ZNF341: variants seen among roughly 807,000 people sequenced by gnomAD.
ZNF341 encodes zinc finger protein 341.
Under a neutral mutation model 87.7 loss-of-function variants are expected in ZNF341, and 52 were observed. The observed-to-expected ratio is 0.59, with a 90% CI of 0.47 to 0.75. The LOEUF is 0.75. ZNF341 is among the 30% of genes least tolerant of loss of function. The pLI is 0.00. For synonymous variants in ZNF341, 459 were observed against 472.7 expected, an observed-to-expected ratio of 0.97 and a Z score of 0.38; for missense variants, 977 against 1,145.9, an observed-to-expected ratio of 0.85 and a Z score of 2.13.
chr20:33,752,804 A>G (rs187802525), intron 4 of ZNF341, among the ~76,000 whole-genome samples: 2 of 151,882 alleles, frequency 1.3e-5, no homozygotes, highest in Admixed American at 1.3e-4. Context: ...GGCGCCCGCC[A>G]CCACGCCCGG....
At position 33,781,155 on chromosome 20, in the gene ZNF341, A is replaced by G. The variant is rs991687019; in HGVS notation, c.1623-136A>G. The stretch of plus-strand genomic sequence containing the variant: ...GCTCAGATGAGGACAGGCAGTGGCA[A>G]TTGAGAAGAGTGGATGGATTTGGAA... On this transcript the variant is annotated intron_variant, in intron 10 of 14. Coordinates refer to ENST00000375200, the MANE Select transcript of ZNF341 (RefSeq NM_001282933.2). The G allele has an allele frequency of 8.0e-5, 57 of 713,124 alleles. 1 individual carries two copies. The highest frequency in any genetic ancestry group is 3.4e-4 in the Admixed American group (18 of 52,340). 44.2% of individuals were successfully genotyped at this position (713,124 alleles called of 1,614,324 possible). A position where few individuals can be genotyped will look rare whatever the true frequency, so the allele number is the denominator to read the frequency against.
chr20:33,789,064 A>T, intron 13 of ZNF341, 90 bp downstream of exon 13: 4 of 889,304 alleles, frequency 4.5e-6, no homozygotes, highest in Non-Finnish European at 6.7e-6. Context: ...GTCAGGCCTG[A>T]GGGCAGGCCT....
intron 3 of ZNF341, among the ~76,000 whole-genome samples, chr20:33,747,531 C>T (rs931980078): frequency 1.7e-5 from 2 of 120,732 alleles, no homozygotes; most frequent in South Asian, 2.8e-4. Context: ...AGGAGAATGG[C>T]GTGGACCCGG....
intron 9 of ZNF341, among the ~76,000 whole-genome samples, chr20:33,769,597 G>A (rs1290460265): frequency 6.6e-6 from 1 of 152,160 alleles, no homozygotes; most frequent in South Asian, 2.1e-4. Context: ...CTGGCTGAGA[G>A]GAGGGAACCC....
intron 8 of ZNF341, among the ~76,000 whole-genome samples, chr20:33,763,835 A>G (rs1196781121): frequency 6.6e-6 from 1 of 152,024 alleles, no homozygotes; most frequent in African/African-American, 2.4e-5. Context: ...CTGAGAACTT[A>G]CTAGGTTTAG....
intron 11 of ZNF341, 58 bp from the exon 12 acceptor site, chr20:33,783,674 G>C (rs1238215701): frequency 6.2e-7 from 1 of 1,611,528 alleles, no homozygotes; most frequent in African/African-American, 1.3e-5. Context: ...GAGTTCAGAA[G>C]ATGGCCAGGG....
At chr20:33,751,619 G>C (rs1210981119) in intron 4 of ZNF341, among the ~76,000 whole-genome samples, 1 of 152,082 alleles carries the variant, frequency 6.6e-6, no homozygotes, top group Non-Finnish European at 1.5e-5. Flanking sequence ...AGCTGCCCTG[G>C]CTGGAGTGCA....
At position 33,770,399 on chromosome 20, in the gene ZNF341, G is replaced by T. The variant is rs2019507102; in HGVS notation, c.1622+107G>T. On this transcript the variant is annotated intron_variant, in intron 10 of 14. Transcript: ENST00000375200. ...ACTGCTTAGGACCAGTGAGATATTT[G>T]AAAGGAGAAACCGAGGCTCCTGGCT... 7 of 1,158,122 alleles carry T rather than the reference G, an allele frequency of 6.0e-6. No homozygotes were observed. The South Asian group carries it at 1.1e-4, about 18-fold the overall frequency. 71.7% of individuals were successfully genotyped at this position (1,158,122 alleles called of 1,614,324 possible). A position where few individuals can be genotyped will look rare whatever the true frequency, so the allele number is the denominator to read the frequency against.
chr20:33,763,014 G>C (rs2019328497), intron 8 of ZNF341, among the ~76,000 whole-genome samples: 2 of 152,146 alleles, frequency 1.3e-5, no homozygotes. Flanking sequence ...TAGTAATACA[G>C]TCACATGCTA....
At chr20:33,757,572 G>A (rs371211377) in intron 6 of ZNF341, among the ~76,000 whole-genome samples, 4 of 152,184 alleles carry the variant, frequency 2.6e-5, no homozygotes, top group East Asian at 1.9e-4. Flanking sequence ...AGGCACCCTC[G>A]TTTCTTCTGT....
At chr20:33,764,559 ATATTTTTTTTTTT>A (rs1443021018) in intron 8 of ZNF341, among the ~76,000 whole-genome samples, 2 of 48,952 alleles carry the variant, frequency 4.1e-5, no homozygotes, top group African/African-American at 1.1e-4. Context: ...ATATATATAT[ATATTTTTTTTTTT>A]TTTTTTTTTT....
chr20:33,748,773 T>C, intron 3 of ZNF341, 150 bp from the exon 4 acceptor site: 1 of 706,190 alleles, frequency 1.4e-6, no homozygotes, highest in Non-Finnish European at 2.3e-6. Context: ...GGAATCCACG[T>C]CTGTGGGATT....
In ZNF341 at chr20:33,777,858, C is replaced by A. The variant is rs1015363483; in HGVS notation, c.1623-3433C>A. 3.3e-5 allele frequency among the ~76,000 whole-genome samples: 5 copies of A among 152,230 alleles called. No individual in the cohort carries two copies. The South Asian group carries it at 1.0e-3, about 32-fold the overall frequency. On this transcript the variant is annotated intron_variant, in intron 10 of 14. Transcript: ENST00000375200. ...AAGCTGGAACAGTTCCTCCTTCTGT[C>A]TTTGTCTTCGAGACCTTGATATTTC...
At chr20:33,753,145 A>C in intron 4 of ZNF341, 27 bp from the exon 5 acceptor site, 1 of 1,611,748 alleles carries the variant, frequency 6.2e-7, no homozygotes, top group East Asian at 2.2e-5. Flanking sequence ...TCAAGAGGCT[A>C]TAACACTTTT....
intron 2 of ZNF341, among the ~76,000 whole-genome samples, chr20:33,742,832 G>A (rs2018831690): frequency 1.3e-5 from 2 of 152,114 alleles, no homozygotes; most frequent in Non-Finnish European, 2.9e-5. Context: ...TGTCCCATTG[G>A]TGAGAATTCT....
chr20:33,783,731 G>T lies in ZNF341; in HGVS notation c.1720-1G>T. On this transcript the variant is annotated splice_acceptor_variant, in intron 11 of 14. Transcript: ENST00000375200. LOFTEE classifies it high-confidence loss of function. ...ACCTGAAGGCCCCTCTTCTCTCCCA[G>T]GTGTTTCCTTGTGAACGCTACCTGC... 6.2e-7 allele frequency: 1 copy of T among 1,613,810 alleles called. No individual in the cohort carries two copies. Among genetic ancestry groups the T allele is most frequent in the South Asian group, 1.1e-5 (1 of 91,074 alleles).
intron 2 of ZNF341, 150 bp downstream of exon 2, chr20:33,741,162 G>T (rs6087514): frequency 0.31 from 216,987 of 690,620 alleles, 41,874 homozygotes; most frequent in East Asian, 0.73. Flanking sequence ...CCTCCCAGCC[G>T]GGATCTTTGG....
chr20:33,747,532 G>A (rs986147339), intron 3 of ZNF341, among the ~76,000 whole-genome samples: 9 of 133,658 alleles, frequency 6.7e-5, no homozygotes, highest in Middle Eastern at 7.4e-3. Context: ...GGAGAATGGC[G>A]TGGACCCGGG....
chr20:33,736,452 TTTGTAAAGCTA>T (rs1427828519), intron 1 of ZNF341, among the ~76,000 whole-genome samples: 27 of 152,168 alleles, frequency 1.8e-4, no homozygotes, highest in Admixed American at 1.6e-3. Flanking sequence ...CTAAACTGTC[TTTGTAAAGCTA>T]TTGAAAGACC....
Sources: allele counts gnomAD v4.1 joint callset (sites outside exome capture counted in the v4.1 genomes callset), GRCh38; gene constraint gnomAD v4.1.1; transcripts MANE v1.5; gene names NCBI Gene and HGNC (gene_info 2026-07-23, HGNC 2026-07-21).